CHODL: variants seen among roughly 807,000 people sequenced by gnomAD.
CHODL encodes transmembrane protein MT75.
CHODL carries 29 observed loss-of-function variants against 34.5 expected under a neutral mutation model. That is an observed-to-expected ratio of 0.84 (90% CI 0.63 to 1.15). The LOEUF (loss-of-function observed/expected upper bound fraction) is 1.15, where lower values mean the gene tolerates loss of function less well. CHODL is among the 50% of genes most tolerant of loss of function. CHODL has a pLI of 0.00. For missense variants in CHODL, 332 were observed against 332.5 expected, an observed-to-expected ratio of 1.00 and a Z score of 0.01; for synonymous variants, 125 against 116.1, an observed-to-expected ratio of 1.08 and a Z score of -0.49.
In CHODL at chr21:18,055,748, G is replaced by C. The variant is rs79052197; in HGVS notation, c.-45+27777G>C. Among the ~76,000 whole-genome samples the C allele has an allele frequency of 5.9e-4, 90 of 152,106 alleles. 2 individuals are homozygous for C. In the East Asian group the frequency reaches 0.016, roughly 28 times the overall value. ...GCTCTCAGGGCTAAGTCAATACCAAGGTGGGGAAGAATGAACATCTTTATC... is the reference window on the plus strand; with the variant it reads ...GCTCTCAGGGCTAAGTCAATACCAACGTGGGGAAGAATGAACATCTTTATC... On this transcript the variant is annotated intron_variant, in intron 2 of 6. Transcript: ENST00000400127.
At chr21:18,203,194 T>C (rs1181203646) in intron 2 of CHODL, among the ~76,000 whole-genome samples, 1 of 152,164 alleles carries the variant, frequency 6.6e-6, no homozygotes, top group Non-Finnish European at 1.5e-5. Flanking sequence ...CTGGCTCAGA[T>C]AAAGTTTTCA....
At chr21:18,140,084 C>G (rs2072783218) in intron 2 of CHODL, among the ~76,000 whole-genome samples, 1 of 152,118 alleles carries the variant, frequency 6.6e-6, no homozygotes, top group African/African-American at 2.4e-5. Context: ...CTTTTTCTTG[C>G]CTTCCCAGAC....
intron 2 of CHODL, among the ~76,000 whole-genome samples, chr21:18,051,212 G>A (rs1210706261): frequency 6.6e-6 from 1 of 151,868 alleles, no homozygotes; most frequent in East Asian, 1.9e-4. Context: ...AGTTTGCTGA[G>A]CATGATGGTT....
intron 2 of CHODL, among the ~76,000 whole-genome samples, chr21:18,029,570 G>A (rs1324717799): frequency 2.0e-5 from 3 of 152,020 alleles, no homozygotes; most frequent in Admixed American, 6.6e-5. Flanking sequence ...ATGTATCAGG[G>A]ATATTTTATC....
intron 1 of CHODL, chr21:18,022,405 A>C (rs2064136216): frequency 1.3e-5 from 2 of 152,226 alleles, no homozygotes; most frequent in African/African-American, 4.8e-5. Context: ...TGGATAATCC[A>C]GAATGATTTC....
chr21:17,947,544 G>GACAC (rs34768313), intron 1 of CHODL, among the ~76,000 whole-genome samples: 2,163 of 149,656 alleles, frequency 0.014, 29 homozygotes, highest in Admixed American at 0.045. Flanking sequence ...CACACACACA[G>GACAC]ACACACACAC....
intron 2 of CHODL, among the ~76,000 whole-genome samples, chr21:18,060,088 C>T (rs2064639026): frequency 6.6e-6 from 1 of 152,092 alleles, no homozygotes; most frequent in Admixed American, 6.6e-5. Context: ...TGGAAGTCCC[C>T]CCACTGATCG....
chr21:18,213,282 A>G (rs1432475606), intron 2 of CHODL, among the ~76,000 whole-genome samples: 1 of 152,108 alleles, frequency 6.6e-6, no homozygotes, highest in Non-Finnish European at 1.5e-5. Context: ...TTATAAAATG[A>G]TTATTAGCAA....
At chr21:18,107,997 T>G (rs1303645516) in intron 2 of CHODL, among the ~76,000 whole-genome samples, 1 of 152,214 alleles carries the variant, frequency 6.6e-6, no homozygotes, top group East Asian at 1.9e-4. Context: ...GAATAGTTAA[T>G]TATTCCAGGC....
intron 1 of CHODL, among the ~76,000 whole-genome samples, chr21:18,006,498 A>C (rs111414201): frequency 1.3e-5 from 2 of 152,146 alleles, no homozygotes; most frequent in Admixed American, 6.5e-5. Flanking sequence ...CCCTCACAGG[A>C]GCATTGAGGG....
At chr21:18,059,677 G>C (rs207796) in intron 2 of CHODL, among the ~76,000 whole-genome samples, 62,598 of 151,768 alleles carry the variant, frequency 0.41, 13,661 homozygotes, top group East Asian at 0.83. Flanking sequence ...CCCAGTGTGA[G>C]TTGTTCCCCC....
chr21:18,033,147 C>T (rs1319643227), intron 2 of CHODL, among the ~76,000 whole-genome samples: 1 of 151,892 alleles, frequency 6.6e-6, no homozygotes, highest in East Asian at 1.9e-4. Flanking sequence ...GATGATATAC[C>T]AATGGAGACC....
At chr21:18,074,742 T>G (rs963841475) in intron 2 of CHODL, among the ~76,000 whole-genome samples, 1 of 152,172 alleles carries the variant, frequency 6.6e-6, no homozygotes, top group Admixed American at 6.6e-5. Context: ...AATCCACTCC[T>G]GGGAAAGACT....
intron 2 of CHODL, among the ~76,000 whole-genome samples, chr21:18,071,485 A>G (rs996348620): frequency 7.3e-5 from 11 of 151,276 alleles, no homozygotes; most frequent in African/African-American, 2.7e-4. Context: ...TTCTATGATC[A>G]CCCCTTCAGT....
intron 2 of CHODL, among the ~76,000 whole-genome samples, chr21:18,073,868 ATTATAT>A (rs1017258531): frequency 9.9e-5 from 15 of 152,138 alleles, no homozygotes; most frequent in South Asian, 4.1e-4. Context: ...CTATATGTAG[ATTATAT>A]TTATCTTGAT....
At chr21:18,254,538 T>A (rs2074293802) in intron 1 of CHODL, among the ~76,000 whole-genome samples, 2 of 152,016 alleles carry the variant, frequency 1.3e-5, no homozygotes, top group Admixed American at 1.3e-4. Flanking sequence ...GCAGTGAAAA[T>A]CAAAACAAGA....
intron 2 of CHODL, among the ~76,000 whole-genome samples, chr21:18,214,502 A>G (rs1322688180): frequency 1.3e-5 from 2 of 152,126 alleles, no homozygotes; most frequent in Non-Finnish European, 2.9e-5. Context: ...CTATCTACAC[A>G]TATTATAAGC....
At chr21:18,043,992 C>T (rs56093006) in intron 2 of CHODL, among the ~76,000 whole-genome samples, 7,133 of 151,968 alleles carry the variant, frequency 0.047, 226 homozygotes, top group Middle Eastern at 0.11. Context: ...GTTATCTCCC[C>T]GCCACAACAC....
intron 2 of CHODL, among the ~76,000 whole-genome samples, chr21:18,139,586 A>G: frequency 6.6e-6 from 1 of 151,796 alleles, no homozygotes; most frequent in South Asian, 2.1e-4. Context: ...GCTGACCACG[A>G]CCTCCACTGT....
Sources: allele counts gnomAD v4.1 joint callset (sites outside exome capture counted in the v4.1 genomes callset), GRCh38; gene constraint gnomAD v4.1.1; transcripts MANE v1.5; gene names NCBI Gene and HGNC (gene_info 2026-07-23, HGNC 2026-07-21).